Variants in KALRN observed in about 807,000 individuals in gnomAD.
KALRN encodes kalirin RhoGEF kinase.
KALRN carries 70 observed loss-of-function variants against 353.7 expected under a neutral mutation model. The ratio of observed to expected loss-of-function variants is 0.20; its 90% CI spans 0.16 to 0.24. KALRN has a LOEUF of 0.24. Ranked by LOEUF, KALRN falls within the 10% of genes least tolerant of loss-of-function variation. The pLI is 1.00. For missense variants in KALRN, 2,791 were observed against 3,756.7 expected (o/e 0.74, Z 6.72); for synonymous variants, 1,391 against 1,434.8 (o/e 0.97, Z 0.69).
At chr3:124,598,411 A>C (rs541609544) in intron 34 of KALRN, among the ~76,000 whole-genome samples, 1 of 152,216 alleles carries the variant, frequency 6.6e-6, no homozygotes, top group African/African-American at 2.4e-5. Flanking sequence ...GCTCTAATTT[A>C]ATCCAGTCCT....
intron 1 of KALRN, among the ~76,000 whole-genome samples, chr3:124,181,568 A>T (rs1011209968): frequency 6.6e-6 from 1 of 152,102 alleles, no homozygotes; most frequent in Non-Finnish European, 1.5e-5. Flanking sequence ...CTTTTTCCTG[A>T]TGCAGGTGTA....
chr3:124,147,968 G>A (rs971253366), intron 1 of KALRN, among the ~76,000 whole-genome samples: 5 of 152,188 alleles, frequency 3.3e-5, no homozygotes, highest in African/African-American at 1.2e-4. Context: ...GGTGCCTTCC[G>A]TGTTGTGGGG....
chr3:124,330,256 A>T (rs1044626559), intron 8 of KALRN, among the ~76,000 whole-genome samples: 215 of 136,420 alleles, frequency 1.6e-3, no homozygotes, highest in African/African-American at 6.4e-3. Flanking sequence ...TCACACACAC[A>T]CACACACACA....
intron 34 of KALRN, among the ~76,000 whole-genome samples, chr3:124,578,525 A>C (rs755712581): frequency 1.2e-4 from 19 of 152,254 alleles, no homozygotes; most frequent in Non-Finnish European, 2.2e-4. Context: ...GCAGGAACTC[A>C]TCCACAGTGT....
At chr3:124,071,977 A>G (rs1011735278) in intron 1 of KALRN, among the ~76,000 whole-genome samples, 2 of 152,202 alleles carry the variant, frequency 1.3e-5, no homozygotes, top group African/African-American at 4.8e-5. Flanking sequence ...AGAGATTCCT[A>G]AAAGACCTCT....
At chr3:124,365,305 C>G (rs1416041548) in intron 10 of KALRN, among the ~76,000 whole-genome samples, 1 of 152,142 alleles carries the variant, frequency 6.6e-6, no homozygotes, top group Non-Finnish European at 1.5e-5. Context: ...CCACAAATCC[C>G]AGTCATGAGC....
chr3:124,091,043 C>A (rs1403936570), intron 1 of KALRN, among the ~76,000 whole-genome samples: 1 of 152,190 alleles, frequency 6.6e-6, no homozygotes, highest in Non-Finnish European at 1.5e-5. Flanking sequence ...TGGCAGGGGT[C>A]CAACCCACCC....
intron 1 of KALRN, among the ~76,000 whole-genome samples, chr3:124,210,460 A>ATTTC (rs917866079): frequency 7.2e-5 from 11 of 152,182 alleles, no homozygotes; most frequent in African/African-American, 2.6e-4. Flanking sequence ...TAAGGTTCTC[A>ATTTC]TTTCTCCTCT....
At chr3:124,491,525 G>C in intron 31 of KALRN, 101 bp downstream of exon 31, 1 of 739,150 alleles carries the variant, frequency 1.4e-6, no homozygotes, top group Non-Finnish European at 2.0e-6. Context: ...ACTCTACTGA[G>C]CCATGGGCCT....
At chr3:124,336,467 G>A (rs762586285) in intron 9 of KALRN, among the ~76,000 whole-genome samples, 10 of 152,128 alleles carry the variant, frequency 6.6e-5, no homozygotes, top group South Asian at 2.1e-4. Context: ...GATCTGGGCC[G>A]TGAATTGTGC....
intron 34 of KALRN, among the ~76,000 whole-genome samples, chr3:124,632,113 C>T (rs1031757572): frequency 2.0e-5 from 3 of 152,180 alleles, no homozygotes; most frequent in Non-Finnish European, 4.4e-5. Context: ...TTTCATTTTG[C>T]TTATTTTATT....
chr3:124,662,201 T>C (rs1035305979), intron 45 of KALRN, among the ~76,000 whole-genome samples: 40 of 102,896 alleles, frequency 3.9e-4, no homozygotes, highest in Admixed American at 8.7e-4. Context: ...TTCTTTTTTT[T>C]TTTTTTTTTT....
Position 124,493,387 on chromosome 3 carries a change from T to C in KALRN, c.4832+505T>C, listed in dbSNP as rs140161993. Among the ~76,000 whole-genome samples the C allele has an allele frequency of 1.3e-3, 191 of 152,308 alleles. 1 individual carries two copies. The East Asian group carries it at 0.03, about 24-fold the overall frequency. On this transcript the variant is annotated intron_variant, in intron 32 of 59. Transcript: ENST00000682506. ...AGACCTCACCTTCATTCACCTATGA[T>C]AAGCAACGTCATTGGGCAGAAGAGG...
At chr3:124,377,661 T>C (rs2086773309) in intron 10 of KALRN, among the ~76,000 whole-genome samples, 1 of 152,182 alleles carries the variant, frequency 6.6e-6, no homozygotes, top group African/African-American at 2.4e-5. Context: ...ACTATAATTA[T>C]GGATTTCTCT....
chr3:124,711,229 C>G (rs1325462427), intron 57 of KALRN, among the ~76,000 whole-genome samples: 3 of 151,996 alleles, frequency 2.0e-5, no homozygotes, highest in Non-Finnish European at 4.4e-5. Flanking sequence ...ACTATGTTGT[C>G]CAGGCTAGTC....
At chr3:124,295,656 G>A (rs2076789562) in intron 5 of KALRN, among the ~76,000 whole-genome samples, 1 of 152,116 alleles carries the variant, frequency 6.6e-6, no homozygotes, top group Non-Finnish European at 1.5e-5. Context: ...AAACATCCAA[G>A]AAAGTGTATG....
chr3:124,430,957 C>T (rs569693032), intron 16 of KALRN, among the ~76,000 whole-genome samples, 182 bp downstream of exon 16: 59 of 152,200 alleles, frequency 3.9e-4, no homozygotes, highest in Non-Finnish European at 7.9e-4. Context: ...AAGGGTTCAT[C>T]CCCCAGGGAG....
At chr3:124,504,983 G>A (rs1192198713) in intron 33 of KALRN, 3 of 488,550 alleles carry the variant, frequency 6.1e-6, no homozygotes, top group Non-Finnish European at 1.3e-5. Context: ...CAGGGGAAGG[G>A]GTACAAGAAG....
intron 33 of KALRN, among the ~76,000 whole-genome samples, chr3:124,532,260 A>G (rs1431824561): frequency 2.0e-5 from 3 of 152,220 alleles, no homozygotes; most frequent in Non-Finnish European, 2.9e-5. Flanking sequence ...AAGTAATCCT[A>G]TAAGATTGCA....
Sources: gnomAD v4.1 joint callset for allele counts (sites outside exome capture counted in the v4.1 genomes callset) on GRCh38, gnomAD v4.1.1 for gene constraint, MANE v1.5 for transcripts, NCBI Gene and HGNC (gene_info 2026-07-23, HGNC 2026-07-21) for gene names.